Variants in ZRANB2 observed in about 807,000 individuals in gnomAD.
The protein encoded by ZRANB2 is zinc finger RANBP2-type containing 2.
Under a neutral mutation model 53.4 loss-of-function variants are expected in ZRANB2, and 19 were observed. The ratio of observed to expected loss-of-function variants is 0.36; its 90% confidence interval spans 0.25 to 0.52. ZRANB2 has a LOEUF of 0.52. Among genes scored for constraint, ZRANB2 ranks in the 20% least tolerant of loss-of-function variants. The pLI, the probability that ZRANB2 is intolerant of heterozygous loss-of-function variation, is 0.93. For missense variants in ZRANB2, 309 were observed against 401.1 expected (o/e 0.77, Z 1.96); for synonymous variants, 145 against 134.8 (o/e 1.08, Z -0.52).
intron 8 of ZRANB2, among the ~76,000 whole-genome samples, chr1:71,067,878 T>A (rs964392280): frequency 1.3e-5 from 1 of 75,974 alleles, no homozygotes; most frequent in Non-Finnish European, 2.9e-5. Flanking sequence ...TCTACTTCTA[T>A]TTTTTTTTTT....
intron 8 of ZRANB2, among the ~76,000 whole-genome samples, chr1:71,067,947 G>A (rs1661491071): frequency 6.6e-6 from 1 of 150,942 alleles, no homozygotes; most frequent in Non-Finnish European, 1.5e-5. Flanking sequence ...CATAAGCATG[G>A]CTCACTGCAC....
At chr1:71,068,397 G>C (rs1407652717) in intron 8 of ZRANB2, among the ~76,000 whole-genome samples, 1 of 152,080 alleles carries the variant, frequency 6.6e-6, no homozygotes, top group Admixed American at 6.6e-5. Flanking sequence ...TAAAAACAAA[G>C]AGAGCATATT....
rs11802971 is a variant in ZRANB2, at chr1:71,064,558, G to A, written c.*516C>T. On this transcript the variant is annotated 3_prime_UTR_variant, in exon 10 of 10. Coordinates refer to ENST00000370920, the MANE Select transcript of ZRANB2 (RefSeq NM_203350.3). Reference sequence around the variant, plus strand: ...ATGATTCTAAGGCACCCTTAGCATAGGGAATTTCAAAATAGACATTTACAG... The same window carrying A: ...ATGATTCTAAGGCACCCTTAGCATAAGGAATTTCAAAATAGACATTTACAG... 2,592 of 152,602 alleles carry A rather than the reference G, an allele frequency of 0.017. 72 individuals carry two copies. The highest frequency in any genetic ancestry group is 0.059 in the African/African-American group (2,468 of 41,550). The allele number at this position is 152,602 out of a possible 1,614,324, so 9.5% of individuals were successfully genotyped here.
intron 9 of ZRANB2, 160 bp downstream of exon 9, chr1:71,066,616 C>A (rs920719654): frequency 1.7e-6 from 1 of 604,694 alleles, no homozygotes; most frequent in Non-Finnish European, 2.7e-6. Context: ...GATCAAAGTA[C>A]AAAGGATAAG....
intron 1 of ZRANB2, 132 bp from the exon 2 acceptor site, chr1:71,078,840 C>CA (rs1195195353): frequency 4.0e-6 from 3 of 749,566 alleles, no homozygotes; most frequent in Non-Finnish European, 6.5e-6. Flanking sequence ...ATGTTACCAA[C>CA]AAAAAACTCC....
At chr1:71,065,877 G>C (rs1180663288) in intron 9 of ZRANB2, 2 of 1,406,050 alleles carry the variant, frequency 1.4e-6, no homozygotes, top group African/African-American at 2.9e-5. Context: ...CTCAAAAACA[G>C]AGTAATTTTT....
chr1:71,073,987 A>G (rs570896443), intron 4 of ZRANB2, among the ~76,000 whole-genome samples: 2 of 152,272 alleles, frequency 1.3e-5, no homozygotes, highest in African/African-American at 2.4e-5. Flanking sequence ...TGTTTCCGTC[A>G]TTCTACTAAT....
Position 71,076,829 on chromosome 1 carries a change from A to G in ZRANB2, c.267T>C (p.Asn89=). 6.2e-7 allele frequency: 1 copy of G among 1,612,412 alleles called. No individual in the cohort carries two copies. Among genetic ancestry groups the G allele is most frequent in the Non-Finnish European group, 8.5e-7 (1 of 1,179,430 alleles). Residue 89 remains asparagine (N), a synonymous_variant, in exon 4 of 10, where the codon AAT becomes AAC. Transcript: ENST00000370920. ...CTTCTAATTTAGCATACTTTGGAGT[A>G]TTACACATATTACACTCTGATCTTC... The part of the protein sequence containing the change: ...WARRSECNMC[N]TPKYAKLEER...
At position 71,066,878 on chromosome 1, in the gene ZRANB2, C is replaced by T; in HGVS notation, c.827G>A (p.Ser276Asn). ...SSSPRKRSYS[S>N]SSSSPERNRK... ...GTTCCTCTCAGGAGAAGATGATGAA[C>T]TTGAATAAGATCTTTTTCGTGGGGA... The change falls in exon 9 of 10, where the codon AGT becomes AAT. Residue 276 changes from serine (S) to asparagine (N), a missense_variant. Physicochemically the swap from Ser to Asn is conservative, Grantham distance 46. Coordinates refer to ENST00000370920, the MANE Select transcript of ZRANB2 (RefSeq NM_203350.3). 1 of 1,608,460 alleles carries T rather than the reference C, an allele frequency of 6.2e-7. No individual in the cohort carries two copies. Among genetic ancestry groups the T allele is most frequent in the Non-Finnish European group, 8.5e-7 (1 of 1,177,780 alleles).
rs1259986746 is a variant in ZRANB2, at chr1:71,063,785, T to C, written c.*1289A>G. 1.3e-5 allele frequency: 2 copies of C among 152,552 alleles called. No individual in the cohort carries two copies. The highest frequency in any genetic ancestry group is 3.9e-4 in the East Asian group (2 of 5,190). 9.4% of individuals were successfully genotyped at this position (152,552 alleles called of 1,614,324 possible). A position where few individuals can be genotyped will look rare whatever the true frequency, so the allele number is the denominator to read the frequency against. ...TTTAAAGTAAAAACATATATTTTTG[T>C]TTGGTTTGTCTATGAAATATCTTAA... On this transcript the variant is annotated 3_prime_UTR_variant, in exon 10 of 10. Coordinates refer to ENST00000370920, the MANE Select transcript of ZRANB2 (RefSeq NM_203350.3).
Position 71,072,074 on chromosome 1 carries a change from A to G in ZRANB2, c.513+47T>C. The G allele has an allele frequency of 4.4e-6, 7 of 1,588,028 alleles. No homozygotes were observed. In the East Asian group the frequency reaches 1.1e-4, roughly 26 times the overall value. On this transcript the variant is annotated intron_variant, in intron 6 of 9. Coordinates refer to ENST00000370920, the MANE Select transcript of ZRANB2 (RefSeq NM_203350.3). ...CTGTCAAAAGCATTCATGTTATGGT[A>G]TAACTCCAATAAGACAAAAGGGAAA...
chr1:71,069,977 TATA>T (rs1661560388), intron 7 of ZRANB2, among the ~76,000 whole-genome samples: 2 of 152,290 alleles, frequency 1.3e-5, no homozygotes, highest in East Asian at 1.9e-4. Context: ...ATTTGTCCCT[TATA>T]ATAATACCCT....
At chr1:71,080,830 T>C (rs1573065288) in intron 1 of ZRANB2, 110 bp downstream of exon 1, 2 of 1,331,900 alleles carry the variant, frequency 1.5e-6, no homozygotes, top group South Asian at 1.2e-5. Flanking sequence ...GTTCGCCGCC[T>C]CAACCCGTCT....
At chr1:71,075,884 G>T (rs748272199) in intron 4 of ZRANB2, among the ~76,000 whole-genome samples, 3 of 148,074 alleles carry the variant, frequency 2.0e-5, no homozygotes, top group Non-Finnish European at 3.0e-5. Flanking sequence ...TCTCACATAT[G>T]AGAATGTAAG....
chr1:71,063,678 C>A lies in ZRANB2; in HGVS notation c.*1396G>T, dbSNP rs1384276098. On this transcript the variant is annotated 3_prime_UTR_variant, in exon 10 of 10. Transcript: ENST00000370920. ...TAAGACATAAAAACATGGGAAAGCTCACTGTAAAAATATTATCAAAATATT... is the reference window on the plus strand; with the variant it reads ...TAAGACATAAAAACATGGGAAAGCTAACTGTAAAAATATTATCAAAATATT... The A allele has an allele frequency of 2.0e-5, 3 of 152,326 alleles. No individual in the cohort carries two copies. Among genetic ancestry groups the A allele is most frequent in the Non-Finnish European group, 4.4e-5 (3 of 67,870 alleles). The allele number at this position is 152,326 out of a possible 1,614,324, so 9.4% of individuals were successfully genotyped here. A position where few individuals can be genotyped will look rare whatever the true frequency, so the allele number is the denominator to read the frequency against.
intron 4 of ZRANB2, among the ~76,000 whole-genome samples, chr1:71,075,377 A>G (rs2101049644): frequency 6.6e-6 from 1 of 152,284 alleles, no homozygotes; most frequent in East Asian, 1.9e-4. Flanking sequence ...TGAGAAAGAG[A>G]TCATTGGAAG....
At chr1:71,080,583 T>C (rs578095710) in intron 1 of ZRANB2, among the ~76,000 whole-genome samples, 2 of 122,044 alleles carry the variant, frequency 1.6e-5, no homozygotes, top group South Asian at 5.2e-4. Flanking sequence ...AAAAGTCACG[T>C]GGGGGAGATC....
intron 4 of ZRANB2, 29 bp downstream of exon 4, chr1:71,076,766 C>T: frequency 1.3e-6 from 2 of 1,529,298 alleles, no homozygotes; most frequent in African/African-American, 2.7e-5. Context: ...TAAAAAAAAT[C>T]ATTTAGTTAC....
intron 3 of ZRANB2, among the ~76,000 whole-genome samples, chr1:71,077,261 A>T (rs532471876): frequency 6.6e-6 from 1 of 152,284 alleles, no homozygotes; most frequent in Admixed American, 6.5e-5. Context: ...AGCATTTCAG[A>T]TTTTCAGATT....
Sources: gnomAD v4.1 joint callset for allele counts (sites outside exome capture counted in the v4.1 genomes callset) on GRCh38, gnomAD v4.1.1 for gene constraint, MANE v1.5 for transcripts, NCBI Gene and HGNC (gene_info 2026-07-23, HGNC 2026-07-21) for gene names.